The following TNRC6A variants were observed in gnomAD, a reference collection of about 807,000 sequenced individuals.
TNRC6A encodes trinucleotide repeat-containing gene 6A protein.
TNRC6A carries 44 observed loss-of-function variants against 221.2 expected under a neutral mutation model. The observed-to-expected ratio is 0.20, with a 90% CI of 0.16 to 0.26. The LOEUF is 0.26. Ranked by LOEUF, TNRC6A falls within the 10% of genes least tolerant of loss-of-function variation. TNRC6A has a pLI of 1.00. For missense variants in TNRC6A, 2,199 were observed against 2,404.4 expected (o/e 0.91, Z 1.79); for synonymous variants, 847 against 838.5 (o/e 1.01, Z -0.18).
rs566454867 is a variant in TNRC6A at position 24,823,599 on chromosome 16, G to A, written c.5681G>A (p.Arg1894Gln). 7 of 1,614,074 alleles carry A rather than the reference G, an allele frequency of 4.3e-6. No individual in the cohort carries two copies. The Admixed American group carries it at 5.0e-5, about 12-fold the overall frequency. ...GACTGTTCCCACTCATTCTCCAGCC[G>A]GACCGATCTCAATCACTGGAATGGT... ...SLDCSHSFSS[R>Q]TDLNHWNGAG... is the part of the protein sequence containing the mutation. The change falls in exon 25 of 25, where the codon CGG becomes CAG. Residue 1894 changes from arginine to glutamine, a missense_variant. This residue lies in a region of TNRC6A where 130 missense variants were observed against 121.7 expected (regional missense o/e 1.07). Coordinates refer to ENST00000395799, the MANE Select transcript of TNRC6A (RefSeq NM_014494.4). This position sits in a 1 kb window ranked among gnomAD's most constrained non-coding sequence, Gnocchi z 4.3.
At chr16:24,740,399 G>C (rs1443249100) in intron 2 of TNRC6A, among the ~76,000 whole-genome samples, 1 of 152,202 alleles carries the variant, frequency 6.6e-6, no homozygotes, top group South Asian at 2.1e-4. Flanking sequence ...AGTGTGGACA[G>C]TATTGCATTT....
intron 1 of TNRC6A, among the ~76,000 whole-genome samples, chr16:24,628,211 G>A (rs1455969398): frequency 6.6e-6 from 1 of 151,626 alleles, no homozygotes; most frequent in African/African-American, 2.4e-5. Flanking sequence ...CTGAGGTCAG[G>A]AGTTGGAGAC....
intron 2 of TNRC6A, among the ~76,000 whole-genome samples, chr16:24,704,634 C>T (rs1306138666): frequency 7.7e-6 from 1 of 129,950 alleles, no homozygotes; most frequent in Admixed American, 9.5e-5. Flanking sequence ...CACAGCACTC[C>T]AGCCTGGGTG....
At chr16:24,803,399 A>ACAGAGTGAG (rs1491432994) in intron 11 of TNRC6A, 1 of 152,040 alleles carries the variant, frequency 6.6e-6, no homozygotes, top group Non-Finnish European at 1.5e-5. Flanking sequence ...AGCCTGGGCT[A>ACAGAGTGAG]CAGAGTGAGA....
chr16:24,814,579 T>C (rs113219499), intron 18 of TNRC6A, among the ~76,000 whole-genome samples: 3 of 151,938 alleles, frequency 2.0e-5, no homozygotes, highest in African/African-American at 7.2e-5. Flanking sequence ...CATGCCCAGC[T>C]AATTTTTGTA....
At chr16:24,692,251 G>A (rs959534939) in intron 2 of TNRC6A, among the ~76,000 whole-genome samples, 3 of 152,256 alleles carry the variant, frequency 2.0e-5, no homozygotes, top group Admixed American at 6.5e-5. Flanking sequence ...AAACCTTAGG[G>A]AACCTCTGGA....
chr16:24,624,759 C>T (rs550944971), intron 1 of TNRC6A, among the ~76,000 whole-genome samples: 1 of 152,340 alleles, frequency 6.6e-6, no homozygotes, highest in East Asian at 1.9e-4. Context: ...GCTGGGATTA[C>T]AGGCATGAGC....
At position 24,790,016 on chromosome 16, in the gene TNRC6A, C is replaced by T. The variant is rs2151865199; in HGVS notation, c.1374C>T (p.Asn458=). ...TEMTGPNNTT[N]FMTSSLPNSG... is the part of the protein sequence containing the mutation. Reference sequence around the variant, plus strand: ...TGACTGGACCAAATAACACTACTAACTTTATGACCTCTAGTTTACCAAACT... The same window carrying T: ...TGACTGGACCAAATAACACTACTAATTTTATGACCTCTAGTTTACCAAACT... The change falls in exon 6 of 25, where the codon AAC becomes AAT. Residue 458 remains asparagine, a synonymous_variant. Transcript: ENST00000395799. 1 of 1,614,212 alleles carries T rather than the reference C, an allele frequency of 6.2e-7. No homozygotes were observed. The highest frequency in any genetic ancestry group is 8.5e-7 in the Non-Finnish European group (1 of 1,180,050).
chr16:24,700,256 G>GGGGT (rs1468515525), intron 2 of TNRC6A, among the ~76,000 whole-genome samples: 2 of 151,158 alleles, frequency 1.3e-5, no homozygotes, highest in Admixed American at 1.3e-4. Flanking sequence ...TTTTTTTTGA[G>GGGGT]ACAGAGTCTC....
intron 2 of TNRC6A, among the ~76,000 whole-genome samples, chr16:24,656,882 A>T (rs2141881866): frequency 6.6e-6 from 1 of 152,344 alleles, no homozygotes; most frequent in South Asian, 2.1e-4. Context: ...TAAAAGAAGT[A>T]TGAAAAAGAA....
chr16:24,790,760 C>T lies in TNRC6A; in HGVS notation c.2118C>T (p.Ser706=), dbSNP rs540535156. 1.2e-6 allele frequency: 2 copies of T among 1,614,126 alleles called. No individual in the cohort carries two copies. The change falls in exon 6 of 25, where the codon AGC becomes AGT. Residue 706 remains serine (S), a synonymous_variant. Transcript: ENST00000395799. ...RKIDQHTLLQ[S]IVNRTDLDPR... Reference sequence around the variant, plus strand: ...TTGATCAGCACACATTACTCCAAAGCATTGTAAACAGAACTGACTTAGATC... The same window carrying T: ...TTGATCAGCACACATTACTCCAAAGTATTGTAAACAGAACTGACTTAGATC...
chr16:24,634,876 T>C (rs1901545463), intron 1 of TNRC6A, among the ~76,000 whole-genome samples: 1 of 152,214 alleles, frequency 6.6e-6, no homozygotes, highest in African/African-American at 2.4e-5. Context: ...TTAATGTAAA[T>C]TTCACAATGT....
chr16:24,620,340 C>T (rs912274594), intron 1 of TNRC6A, among the ~76,000 whole-genome samples: 9 of 152,142 alleles, frequency 5.9e-5, no homozygotes, highest in Non-Finnish European at 1.3e-4. Flanking sequence ...GCAATGCTAC[C>T]TGACCACATG....
In TNRC6A at chr16:24,793,651, T is replaced by C; in HGVS notation, c.3352+2T>C. The C allele has an allele frequency of 6.8e-7, 1 of 1,464,036 alleles. No homozygotes were observed. Among genetic ancestry groups the C allele is most frequent in the Non-Finnish European group, 9.1e-7 (1 of 1,097,766 alleles). 90.7% of individuals were successfully genotyped at this position (1,464,036 alleles called of 1,614,324 possible). On this transcript the variant is annotated splice_donor_variant, in intron 7 of 24. Coordinates refer to ENST00000395799, the MANE Select transcript of TNRC6A (RefSeq NM_014494.4). LOFTEE classifies it high-confidence loss of function. ...GTCCACAAGCATTAAGCAAATCTGG[T>C]AAGTTATTGACAATGCCTGGTAGCT...
chr16:24,824,068 C>G lies in TNRC6A; in HGVS notation c.*261C>G, dbSNP rs1013986683. On this transcript the variant is annotated 3_prime_UTR_variant, in exon 25 of 25. Transcript: ENST00000395799. ...CCGTAGAGAATGAGCTCGCTTGTGT[C>G]TATTCATCATGTTTAGCCTTTGGAT... 4.0e-5 allele frequency: 9 copies of G among 226,252 alleles called. No individual in the cohort carries two copies. Among genetic ancestry groups the G allele is most frequent in the Admixed American group, 3.7e-4 (6 of 16,430 alleles). The allele number at this position is 226,252 out of a possible 1,614,324, so 14.0% of individuals were successfully genotyped here.
intron 1 of TNRC6A, among the ~76,000 whole-genome samples, chr16:24,613,925 A>C (rs1345374409): frequency 6.6e-6 from 1 of 152,214 alleles, no homozygotes; most frequent in Non-Finnish European, 1.5e-5. Flanking sequence ...TTCTTGCATT[A>C]CAGACCACCT....
chr16:24,793,433 C>T (rs2058152999), intron 6 of TNRC6A, 40 bp from the exon 7 acceptor site: 2 of 1,347,542 alleles, frequency 1.5e-6, no homozygotes, highest in African/African-American at 1.5e-5. Flanking sequence ...CACCTCCTTA[C>T]CTTCTATGCT....
At chr16:24,763,951 T>C (rs73549002) in intron 4 of TNRC6A, among the ~76,000 whole-genome samples, 10,283 of 152,278 alleles carry the variant, frequency 0.068, 856 homozygotes, top group East Asian at 0.36. Flanking sequence ...AATATACTTA[T>C]CACCTCACAG....
chr16:24,649,786 C>G (rs1180301702), intron 2 of TNRC6A, among the ~76,000 whole-genome samples: 1 of 150,692 alleles, frequency 6.6e-6, no homozygotes. Flanking sequence ...CCCCAATTTC[C>G]CCATCCCCCA....
Sources: gnomAD v4.1 joint callset for allele counts (sites outside exome capture counted in the v4.1 genomes callset) on GRCh38, gnomAD v4.1.1 for gene constraint, gnomAD v4.1.1 regional missense constraint, Gnocchi (gnomAD v3.1) non-coding constraint, MANE v1.5 for transcripts, NCBI Gene and HGNC (gene_info 2026-07-23, HGNC 2026-07-21) for gene names.